SOS1: variants seen among roughly 807,000 people sequenced by gnomAD.
SOS1 encodes SOS Ras/Rac guanine nucleotide exchange factor 1, also known as son of sevenless homolog 1.
Under a neutral mutation model 157.6 loss-of-function variants are expected in SOS1, and 25 were observed. The observed-to-expected ratio is 0.16, with a 90% CI of 0.12 to 0.22. The LOEUF (loss-of-function observed/expected upper bound fraction) is 0.22. SOS1 is among the 10% of genes least tolerant of loss of function. The pLI, the probability that SOS1 is intolerant of heterozygous loss-of-function variation, is 1.00. For missense variants in SOS1, 1,237 were observed against 1,599.1 expected (o/e 0.77, Z 3.86); for synonymous variants, 528 against 534.0 (o/e 0.99, Z 0.16).
intron 1 of SOS1, among the ~76,000 whole-genome samples, chr2:39,102,982 T>A (rs1481444243): frequency 6.6e-6 from 1 of 151,802 alleles, no homozygotes; most frequent in Non-Finnish European, 1.5e-5. Flanking sequence ...AAAAAAAAAA[T>A]TTAAGTAGTT....
chr2:39,065,066 C>T (rs1671549642), intron 2 of SOS1, among the ~76,000 whole-genome samples: 1 of 151,926 alleles, frequency 6.6e-6, no homozygotes, highest in African/African-American at 2.4e-5. Context: ...TCTCTATATA[C>T]ATTTTTCTTA....
intron 1 of SOS1, among the ~76,000 whole-genome samples, chr2:39,067,977 G>C (rs1671647080): frequency 6.6e-6 from 1 of 151,994 alleles, no homozygotes; most frequent in African/African-American, 2.4e-5. Flanking sequence ...AAATTAGCCG[G>C]GCCTTGTGGT....
chr2:38,997,478 T>TC (rs1445147678), intron 17 of SOS1, 53 bp from the exon 18 acceptor site: 7 of 1,352,504 alleles, frequency 5.2e-6, no homozygotes, highest in Non-Finnish European at 7.4e-6. Flanking sequence ...ATGCAAGTTT[T>TC]TTTCTGTTTC....
In SOS1 at chr2:39,010,408, G is replaced by A. The variant is rs550285636; in HGVS notation, c.2510+176C>T. On this transcript the variant is annotated intron_variant, in intron 15 of 22. Transcript: ENST00000402219. ...TAATCCTGGTTACTCTGGAGGCTGAGGTGGGAGGATCGCTTGAGCCTGGGA... is the reference window on the plus strand; with the variant it reads ...TAATCCTGGTTACTCTGGAGGCTGAAGTGGGAGGATCGCTTGAGCCTGGGA... Among the ~76,000 whole-genome samples, 274 of 152,108 alleles carry A rather than the reference G, an allele frequency of 1.8e-3. 1 individual carries two copies. The highest frequency in any genetic ancestry group is 2.7e-3 in the Non-Finnish European group (185 of 67,964).
At position 38,985,513 on chromosome 2, in the gene SOS1, T is replaced by G; in HGVS notation, c.*311A>C. On this transcript the variant is annotated 3_prime_UTR_variant, in exon 23 of 23. Transcript: ENST00000402219. ...ACTGTGTTTTCCATCCCTTTAATGA[T>G]CACTTCACAAAAGATCACTTCACAA... 3.0e-6 allele frequency: 1 copy of G among 330,974 alleles called. No homozygotes were observed. The allele number at this position is 330,974 out of a possible 1,614,324, so 20.5% of individuals were successfully genotyped here. A position where few individuals can be genotyped will look rare whatever the true frequency, so the allele number is the denominator to read the frequency against.
Position 39,086,180 on chromosome 2 carries a change from G to A in SOS1, c.88-18427C>T, listed in dbSNP as rs79663001. Among the ~76,000 whole-genome samples the A allele has an allele frequency of 7.1e-3, 1,082 of 152,226 alleles. 10 individuals are homozygous for A. Among genetic ancestry groups the A allele is most frequent in the African/African-American group, 0.025 (1,036 of 41,532 alleles). On this transcript the variant is annotated intron_variant, in intron 1 of 22. Coordinates refer to ENST00000402219, the MANE Select transcript of SOS1 (RefSeq NM_005633.4). ...GGTGCCTAAGTTAATCTAGTGGTTC[G>A]GAAAAGATTAAAGTTGAAAGCTGAA... is the stretch of plus-strand genomic sequence containing the variant.
intron 17 of SOS1, among the ~76,000 whole-genome samples, chr2:39,001,448 G>A (rs1669096673): frequency 6.6e-6 from 1 of 152,208 alleles, no homozygotes; most frequent in Non-Finnish European, 1.5e-5. Flanking sequence ...TTATAGACCT[G>A]AAACATCTGG....
intron 2 of SOS1, among the ~76,000 whole-genome samples, chr2:39,061,249 T>TAAA (rs68086036): frequency 8.5e-6 from 1 of 117,462 alleles, no homozygotes; most frequent in African/African-American, 3.3e-5. Context: ...TTCGTAGGGT[T>TAAA]AAAAAAAAAA....
At chr2:39,117,028 C>CTTT (rs530087122) in intron 1 of SOS1, among the ~76,000 whole-genome samples, 2 of 138,578 alleles carry the variant, frequency 1.4e-5, no homozygotes, top group Non-Finnish European at 3.1e-5. Flanking sequence ...ATGTCATTTA[C>CTTT]TTTTTTTTTT....
At chr2:38,996,499 T>C (rs975270455) in intron 19 of SOS1, among the ~76,000 whole-genome samples, 20 of 152,302 alleles carry the variant, frequency 1.3e-4, no homozygotes, top group African/African-American at 4.8e-4. Context: ...CAATGGAAAC[T>C]TTATTTTCCC....
intron 17 of SOS1, among the ~76,000 whole-genome samples, chr2:39,000,946 T>TA (rs1317598891): frequency 3.3e-5 from 5 of 152,128 alleles, no homozygotes; most frequent in African/African-American, 1.2e-4. Flanking sequence ...AATTTACACA[T>TA]AACAGAAGGA....
chr2:39,023,516 T>C (rs557592009), intron 9 of SOS1, among the ~76,000 whole-genome samples: 1 of 152,036 alleles, frequency 6.6e-6, no homozygotes, highest in South Asian at 2.1e-4. Context: ...TGACAACTAA[T>C]AAAAAGTAGC....
rs1382894361 is a variant in SOS1, at chr2:38,990,212, G to A, written c.3347-898C>T. On this transcript the variant is annotated intron_variant, in intron 20 of 22. Transcript: ENST00000402219. ...CAATAGGCAATCCCTCACATAATTT[G>A]GAATATTAAGTTTATTCAAGCATAT... is the stretch of plus-strand genomic sequence containing the variant. Among the ~76,000 whole-genome samples the A allele has an allele frequency of 2.0e-5, 3 of 146,792 alleles. No individual in the cohort carries two copies. The East Asian group carries it at 6.0e-4, about 29-fold the overall frequency.
chr2:39,076,398 TA>T (rs77541801), intron 1 of SOS1, among the ~76,000 whole-genome samples: 355 of 142,686 alleles, frequency 2.5e-3, no homozygotes, highest in Non-Finnish European at 2.3e-3. Flanking sequence ...GACCTTACCT[TA>T]AAAAAAAAAA....
chr2:39,062,607 A>G (rs1671447593), intron 2 of SOS1, among the ~76,000 whole-genome samples: 2 of 151,250 alleles, frequency 1.3e-5, no homozygotes, highest in South Asian at 4.1e-4. Flanking sequence ...TAAAAAAAAA[A>G]AAAGCCTGAG....
chr2:39,051,481 T>C (rs1399419985), intron 5 of SOS1, 194 bp from the exon 6 acceptor site: 1 of 545,476 alleles, frequency 1.8e-6, no homozygotes, highest in Admixed American at 3.0e-5. Context: ...TGCAAATACA[T>C]TTCTCTAGGT....
intron 1 of SOS1, among the ~76,000 whole-genome samples, chr2:39,115,851 G>A (rs1219864566): frequency 6.6e-6 from 1 of 152,168 alleles, no homozygotes; most frequent in Non-Finnish European, 1.5e-5. Flanking sequence ...GAAAAGAGAT[G>A]CCATGAACAT....
intron 1 of SOS1, among the ~76,000 whole-genome samples, chr2:39,080,571 T>C (rs1261130398): frequency 4.6e-5 from 7 of 152,256 alleles, no homozygotes; most frequent in African/African-American, 1.7e-4. Context: ...TTTGAAAGTC[T>C]TAAGTATTTT....
chr2:39,023,873 G>A, intron 9 of SOS1, 137 bp downstream of exon 9: 2 of 662,820 alleles, frequency 3.0e-6, no homozygotes, highest in South Asian at 1.8e-5. Context: ...TGGCTTTGAT[G>A]TCACTTCCTC....
Sources: allele counts gnomAD v4.1 joint callset (sites outside exome capture counted in the v4.1 genomes callset), GRCh38; gene constraint gnomAD v4.1.1; transcripts MANE v1.5; gene names NCBI Gene and HGNC (gene_info 2026-07-23, HGNC 2026-07-21).